SLC16A7: variants seen among roughly 807,000 people sequenced by gnomAD.
SLC16A7 encodes the protein solute carrier family 16 member 7.
Under a neutral mutation model 34.9 loss-of-function variants are expected in SLC16A7, and 33 were observed. The observed-to-expected ratio is 0.94, with a 90% CI of 0.72 to 1.26. SLC16A7 has a LOEUF of 1.26. Ranked by LOEUF, SLC16A7 falls within the 50% of genes most tolerant of loss-of-function variation. The pLI is 0.00. For synonymous variants in SLC16A7, 201 were observed against 206.6 expected (o/e 0.97, Z 0.23); for missense variants, 573 against 578.1 (o/e 0.99, Z 0.09).
At chr12:59,654,606 T>C (rs1868437446) in intron 1 of SLC16A7, among the ~76,000 whole-genome samples, 1 of 151,908 alleles carries the variant, frequency 6.6e-6, no homozygotes, top group African/African-American at 2.4e-5. Context: ...GCTTCAATTT[T>C]TAATTAAGAC....
rs746207463 is a variant in SLC16A7, at chr12:59,784,548, C to T, written c.*4869C>T. On this transcript the variant is annotated 3_prime_UTR_variant, in exon 6 of 6. Coordinates refer to ENST00000547379, the MANE Select transcript of SLC16A7 (RefSeq NM_001270623.2). The stretch of plus-strand genomic sequence containing the variant: ...ATCATTTAATACAACTTACCCTACA[C>T]CGTAGCTTATTTTTCAAGTTTCTCT... 7 of 152,126 alleles carry T rather than the reference C, an allele frequency of 4.6e-5. No individual in the cohort carries two copies. The highest frequency in any genetic ancestry group is 7.3e-5 in the Non-Finnish European group (5 of 68,028). 9.4% of individuals were successfully genotyped at this position (152,126 alleles called of 1,614,324 possible).
At chr12:59,702,830 C>T (rs1482911660) in intron 2 of SLC16A7, among the ~76,000 whole-genome samples, 1 of 151,904 alleles carries the variant, frequency 6.6e-6, no homozygotes, top group African/African-American at 2.4e-5. Context: ...AATTACATCA[C>T]TCGGCAGTCT....
chr12:59,648,045 C>A (rs184435785), intron 1 of SLC16A7, among the ~76,000 whole-genome samples: 20 of 152,144 alleles, frequency 1.3e-4, no homozygotes, highest in African/African-American at 4.6e-4. Context: ...CAGAGTGAGA[C>A]CTTGTCTCAA....
chr12:59,787,737 C>A lies in SLC16A7; in HGVS notation c.*8058C>A, dbSNP rs1883722271. ...TAAAATCTTTTATGAATTGGGTGGG[C>A]CCTAAAAACATCTGTAGTACGTGAT... On this transcript the variant is annotated 3_prime_UTR_variant, in exon 6 of 6. Transcript: ENST00000547379. 1 of 152,064 alleles carries A rather than the reference C, an allele frequency of 6.6e-6. No homozygotes were observed. Among genetic ancestry groups the A allele is most frequent in the Admixed American group, 6.6e-5 (1 of 15,254 alleles). 9.4% of individuals were successfully genotyped at this position (152,064 alleles called of 1,614,324 possible). A position where few individuals can be genotyped will look rare whatever the true frequency, so the allele number is the denominator to read the frequency against.
At chr12:59,698,370 T>C (rs1187722922) in intron 2 of SLC16A7, among the ~76,000 whole-genome samples, 2 of 151,752 alleles carry the variant, frequency 1.3e-5, no homozygotes, top group African/African-American at 2.4e-5. Context: ...TATACACACA[T>C]TGAATATACA....
intron 1 of SLC16A7, among the ~76,000 whole-genome samples, chr12:59,631,259 A>C (rs995225247): frequency 2.0e-4 from 31 of 151,962 alleles, no homozygotes; most frequent in African/African-American, 6.8e-4. Flanking sequence ...CTTTGGGAAG[A>C]AAATAGTTTC....
chr12:59,682,989 C>T (rs1870866673), intron 2 of SLC16A7, among the ~76,000 whole-genome samples: 1 of 151,990 alleles, frequency 6.6e-6, no homozygotes, highest in Admixed American at 6.6e-5. Flanking sequence ...TCACTTGAAC[C>T]TGGGAGGCGG....
At chr12:59,638,441 A>G (rs999635931) in intron 1 of SLC16A7, among the ~76,000 whole-genome samples, 14 of 152,220 alleles carry the variant, frequency 9.2e-5, no homozygotes, top group African/African-American at 2.9e-4. Flanking sequence ...AAATGAAGAA[A>G]ATTTGATTTT....
Position 59,675,118 on chromosome 12 carries a change from C to T in SLC16A7, c.-31+19868C>T, listed in dbSNP as rs1444654941. Among the ~76,000 whole-genome samples, 3 of 152,254 alleles carry T rather than the reference C, an allele frequency of 2.0e-5. No homozygotes were observed. The East Asian group carries it at 5.8e-4, about 29-fold the overall frequency. Reference sequence around the variant, plus strand: ...TCATAGCATGGTGATGACAAGGGTCCCAAGACATCCTTAAGACCTGATGAG... The same window carrying T: ...TCATAGCATGGTGATGACAAGGGTCTCAAGACATCCTTAAGACCTGATGAG... On this transcript the variant is annotated intron_variant, in intron 2 of 5. Transcript: ENST00000547379.
chr12:59,663,535 T>C (rs1431063236), intron 2 of SLC16A7, among the ~76,000 whole-genome samples: 3 of 152,060 alleles, frequency 2.0e-5, no homozygotes, highest in Admixed American at 2.0e-4. Context: ...ATTGAACACT[T>C]ACTAGCCACG....
At chr12:59,657,447 T>C (rs996876644) in intron 2 of SLC16A7, among the ~76,000 whole-genome samples, 4 of 151,998 alleles carry the variant, frequency 2.6e-5, no homozygotes, top group Admixed American at 2.6e-4. Flanking sequence ...AATATCTTGG[T>C]AGTAGGGAAA....
intron 3 of SLC16A7, among the ~76,000 whole-genome samples, chr12:59,726,096 C>A (rs1167353512): frequency 6.6e-6 from 1 of 152,090 alleles, no homozygotes; most frequent in Non-Finnish European, 1.5e-5. Flanking sequence ...TAGTCTCAAT[C>A]TCGTTTCTCC....
In SLC16A7 at chr12:59,779,574, G is replaced by T. The variant is rs1320288126; in HGVS notation, c.1332G>T (p.Lys444Asn). The T allele has an allele frequency of 5.6e-6, 9 of 1,612,536 alleles. No individual in the cohort carries two copies. Among genetic ancestry groups the T allele is most frequent in the Non-Finnish European group, 6.8e-6 (8 of 1,179,086 alleles). Residue 444 changes from lysine to asparagine, a missense_variant, in exon 6 of 6, where the codon AAG becomes AAT. Transcript: ENST00000547379. ...GGAAGGAGGAAAATGCAAGGCAGAA[G>T]ACCAGAGAATCTGAACCCTTGAGCA... ...KERKEENARQKTRESEPLSKS... is the reference protein window; with the variant it reads ...KERKEENARQNTRESEPLSKS...
intron 2 of SLC16A7, among the ~76,000 whole-genome samples, chr12:59,665,655 A>G (rs1219139269): frequency 6.6e-6 from 1 of 152,094 alleles, no homozygotes; most frequent in African/African-American, 2.4e-5. Flanking sequence ...TATTGTATAC[A>G]TTTACAGAGT....
chr12:59,633,775 G>C (rs1409623210), intron 1 of SLC16A7, among the ~76,000 whole-genome samples: 1 of 151,974 alleles, frequency 6.6e-6, no homozygotes, highest in Non-Finnish European at 1.5e-5. Flanking sequence ...AGAGAGTCAG[G>C]GGAGGTGCTA....
chr12:59,704,927 A>T lies in SLC16A7; in HGVS notation c.126A>T (p.Val42=). The change falls in exon 3 of 6, where the codon GTA becomes GTT. Residue 42 remains valine, a synonymous_variant. Coordinates refer to ENST00000547379, the MANE Select transcript of SLC16A7 (RefSeq NM_001270623.2). ...ATGCATTCCCCAAAGCTGTCACCGT[A>T]TTCTTCAAAGAAATTCAGCAAATAT... ...FSYAFPKAVT[V]FFKEIQQIFH... 1 of 1,613,728 alleles carries T rather than the reference A, an allele frequency of 6.2e-7. No individual in the cohort carries two copies. The highest frequency in any genetic ancestry group is 8.5e-7 in the Non-Finnish European group (1 of 1,179,708).
intron 2 of SLC16A7, among the ~76,000 whole-genome samples, chr12:59,665,809 CGT>C (rs34983187): frequency 0.23 from 32,311 of 142,532 alleles, 4,086 homozygotes; most frequent in East Asian, 0.63. Flanking sequence ...ATATATAACA[CGT>C]GTGTGTGTGT....
At chr12:59,765,518 A>C (rs1269705912) in intron 3 of SLC16A7, among the ~76,000 whole-genome samples, 3 of 152,202 alleles carry the variant, frequency 2.0e-5, no homozygotes, top group Non-Finnish European at 4.4e-5. Flanking sequence ...TATAAGATGT[A>C]AGGAAGGGAT....
chr12:59,645,282 G>A (rs1880858388), intron 1 of SLC16A7, among the ~76,000 whole-genome samples: 1 of 152,178 alleles, frequency 6.6e-6, no homozygotes, highest in South Asian at 2.1e-4. Context: ...CAGTGGTATA[G>A]GGTCAGATCA....
Sources: gnomAD v4.1 joint callset for allele counts (sites outside exome capture counted in the v4.1 genomes callset) on GRCh38, gnomAD v4.1.1 for gene constraint, MANE v1.5 for transcripts, NCBI Gene and HGNC (gene_info 2026-07-23, HGNC 2026-07-21) for gene names.